The following PPP3CA variants were observed in gnomAD, a reference collection of about 807,000 sequenced individuals.
PPP3CA encodes the protein protein phosphatase 3 catalytic subunit alpha.
In PPP3CA, 14 loss-of-function variants were observed where a neutral mutation model predicts 66.5. That is an observed-to-expected ratio of 0.21 (90% CI 0.14 to 0.33). The LOEUF (loss-of-function observed/expected upper bound fraction) is 0.33. Among genes scored for constraint, PPP3CA ranks in the 10% least tolerant of loss-of-function variants. PPP3CA has a pLI of 1.00. For missense variants in PPP3CA, 317 were observed against 639.5 expected, an observed-to-expected ratio of 0.50 and a Z score of 5.44; for synonymous variants, 232 against 226.2, an observed-to-expected ratio of 1.03 and a Z score of -0.23.
chr4:101,288,233 G>A (rs1392137993), intron 1 of PPP3CA, among the ~76,000 whole-genome samples: 1 of 152,108 alleles, frequency 6.6e-6, no homozygotes, highest in Non-Finnish European at 1.5e-5. Flanking sequence ...TCACTAAAAT[G>A]GCCAGATGTC....
intron 2 of PPP3CA, among the ~76,000 whole-genome samples, chr4:101,191,891 A>C (rs2659510): frequency 0.77 from 116,936 of 152,154 alleles, 45,967 homozygotes; most frequent in African/African-American, 0.94. Context: ...TCCTCTGCTG[A>C]CCCAGGGACA....
At position 101,032,701 on chromosome 4, in the gene PPP3CA, A is replaced by G. The variant is rs935164311; in HGVS notation, c.1242-337T>C. On this transcript the variant is annotated intron_variant, in intron 11 of 13. Transcript: ENST00000394854. ...TTTGTTGTGCATTCTGTATGTTAAA[A>G]GTGAGCCATAGAGAATGCTGATGTT... Among the ~76,000 whole-genome samples, 5 of 152,324 alleles carry G rather than the reference A, an allele frequency of 3.3e-5. No individual in the cohort carries two copies. In the Middle Eastern group the frequency reaches 0.01, roughly 311 times the overall value.
At chr4:101,230,176 GA>G (rs1475416058) in intron 1 of PPP3CA, among the ~76,000 whole-genome samples, 1 of 151,444 alleles carries the variant, frequency 6.6e-6, no homozygotes, top group Non-Finnish European at 1.5e-5. Context: ...CTAATATTTA[GA>G]AGCATTTAGT....
chr4:101,061,837 AC>A (rs1456933630), intron 9 of PPP3CA, among the ~76,000 whole-genome samples: 4 of 151,984 alleles, frequency 2.6e-5, no homozygotes, highest in Non-Finnish European at 5.9e-5. Context: ...TATACTATAA[AC>A]CATGCTATTT....
intron 1 of PPP3CA, among the ~76,000 whole-genome samples, chr4:101,197,801 A>T (rs1250689079): frequency 6.6e-6 from 1 of 152,166 alleles, no homozygotes; most frequent in Non-Finnish European, 1.5e-5. Context: ...CAAAAATATT[A>T]AGCACCTTGC....
intron 1 of PPP3CA, among the ~76,000 whole-genome samples, chr4:101,308,735 T>C (rs983855885): frequency 1.3e-5 from 2 of 152,186 alleles, no homozygotes; most frequent in Non-Finnish European, 2.9e-5. Flanking sequence ...CCATAATTAT[T>C]TTTAATAAAG....
chr4:101,141,724 T>C (rs1427388752), intron 2 of PPP3CA, among the ~76,000 whole-genome samples: 1 of 152,154 alleles, frequency 6.6e-6, no homozygotes, highest in East Asian at 1.9e-4. Flanking sequence ...CAACCTCACT[T>C]ATTTTGTATT....
intron 8 of PPP3CA, among the ~76,000 whole-genome samples, chr4:101,065,088 A>G (rs1230990816): frequency 2.0e-5 from 3 of 152,018 alleles, no homozygotes; most frequent in Non-Finnish European, 4.4e-5. Flanking sequence ...ATTCCTGCAT[A>G]TATTTCTGTA....
chr4:101,325,928 C>G (rs909124247), intron 1 of PPP3CA, among the ~76,000 whole-genome samples: 2 of 152,138 alleles, frequency 1.3e-5, no homozygotes, highest in Non-Finnish European at 2.9e-5. Flanking sequence ...CACTTGAGGT[C>G]AGGAGTTCGA....
chr4:101,185,635 T>C (rs1724386151), intron 2 of PPP3CA, among the ~76,000 whole-genome samples: 1 of 152,212 alleles, frequency 6.6e-6, no homozygotes, highest in South Asian at 2.1e-4. Context: ...CTTATAAACA[T>C]GGGTGTCAAT....
intron 2 of PPP3CA, among the ~76,000 whole-genome samples, chr4:101,179,645 T>G (rs1361742800): frequency 6.6e-6 from 1 of 152,168 alleles, no homozygotes; most frequent in Non-Finnish European, 1.5e-5. Context: ...AGTGACTTCA[T>G]GCTAAGAGCA....
At chr4:101,200,449 T>A (rs1474491311) in intron 1 of PPP3CA, among the ~76,000 whole-genome samples, 1 of 152,116 alleles carries the variant, frequency 6.6e-6, no homozygotes, top group Non-Finnish European at 1.5e-5. Context: ...TCATGTAACC[T>A]GGGATGTATA....
chr4:101,229,435 C>A (rs1453272627), intron 1 of PPP3CA, among the ~76,000 whole-genome samples: 1 of 151,540 alleles, frequency 6.6e-6, no homozygotes, highest in Admixed American at 6.6e-5. Context: ...ATTTAATTAC[C>A]AAGTATATAA....
intron 1 of PPP3CA, among the ~76,000 whole-genome samples, chr4:101,258,323 T>A (rs1383236311): frequency 6.6e-6 from 1 of 152,082 alleles, no homozygotes; most frequent in African/African-American, 2.4e-5. Context: ...CAAGGTCAAC[T>A]TGCCCAAATT....
intron 6 of PPP3CA, 99 bp downstream of exon 6, chr4:101,093,677 G>T: frequency 2.5e-6 from 3 of 1,182,942 alleles, no homozygotes; most frequent in Non-Finnish European, 3.4e-6. Context: ...TTATATTAAA[G>T]AAGTAATACA....
chr4:101,322,720 A>T (rs1729080094), intron 1 of PPP3CA, among the ~76,000 whole-genome samples: 1 of 152,110 alleles, frequency 6.6e-6, no homozygotes, highest in Non-Finnish European at 1.5e-5. Flanking sequence ...CTCTACTTAC[A>T]TCTTGATCTA....
intron 1 of PPP3CA, among the ~76,000 whole-genome samples, chr4:101,284,939 TG>T (rs146598004): frequency 0.055 from 8,299 of 152,256 alleles, 745 homozygotes; most frequent in African/African-American, 0.19. Flanking sequence ...ATTTAAAATA[TG>T]GGGATTAAAA....
chr4:101,206,950 C>T (rs763760722), intron 1 of PPP3CA, among the ~76,000 whole-genome samples: 5 of 152,088 alleles, frequency 3.3e-5, no homozygotes, highest in Non-Finnish European at 5.9e-5. Flanking sequence ...ACCATGGATG[C>T]CACATGGTGT....
intron 2 of PPP3CA, among the ~76,000 whole-genome samples, chr4:101,178,268 G>T (rs1211551731): frequency 6.6e-6 from 1 of 151,938 alleles, no homozygotes; most frequent in African/African-American, 2.4e-5. Context: ...TTATGTGAAA[G>T]AATCTAGAAC....
Sources: gnomAD v4.1 joint callset for allele counts (sites outside exome capture counted in the v4.1 genomes callset) on GRCh38, gnomAD v4.1.1 for gene constraint, MANE v1.5 for transcripts, NCBI Gene and HGNC (gene_info 2026-07-23, HGNC 2026-07-21) for gene names.